Variants in WNK3 observed in about 807,000 individuals in gnomAD.
The protein encoded by WNK3 is serine/threonine-protein kinase WNK3.
A neutral mutation model predicts 116.7 loss-of-function variants in WNK3; 18 were observed. The observed-to-expected ratio is 0.15, with a 90% CI of 0.11 to 0.23. The LOEUF (loss-of-function observed/expected upper bound fraction) is 0.23. Ranked by LOEUF, WNK3 falls within the 10% of genes least tolerant of loss-of-function variation. WNK3 has a pLI of 1.00. For missense variants in WNK3, 993 were observed against 1,323.8 expected (o/e 0.75, Z 3.88); for synonymous variants, 404 against 469.4 (o/e 0.86, Z 1.80).
intron 22 of WNK3, among the ~76,000 whole-genome samples, chrX:54,204,385 T>C (rs2067531597): frequency 8.9e-6 from 1 of 111,744 alleles, no homozygotes; most frequent in Non-Finnish European, 1.9e-5. Context: ...CCCAAAGTGC[T>C]GAGATTACAG....
chrX:54,215,149 C>T (rs2067671855), intron 22 of WNK3, among the ~76,000 whole-genome samples: 1 of 107,054 alleles, frequency 9.3e-6, no homozygotes, highest in African/African-American at 3.4e-5. Context: ...ACACCATCTC[C>T]AGTGCACAGT....
intron 10 of WNK3, among the ~76,000 whole-genome samples, chrX:54,267,587 A>G (rs982103844): frequency 5.4e-5 from 6 of 110,216 alleles, no homozygotes; most frequent in Non-Finnish European, 1.1e-4. Context: ...GGAGTTCGAG[A>G]CCAGCCTGGC....
chrX:54,216,022 G>A (rs1020245716), intron 22 of WNK3, among the ~76,000 whole-genome samples: 8 of 110,381 alleles, frequency 7.2e-5, no homozygotes, highest in African/African-American at 2.6e-4. Flanking sequence ...GTCCACTAAG[G>A]GTTAAATGGA....
chrX:54,327,636 T>C (rs1051184926), intron 2 of WNK3, among the ~76,000 whole-genome samples: 3 of 111,549 alleles, frequency 2.7e-5, no homozygotes, highest in African/African-American at 9.8e-5. Flanking sequence ...GAGGATCACT[T>C]GAGCCCAGGA....
chrX:54,333,611 T>C, exon 2 of WNK3: 1 of 1,205,668 alleles, frequency 8.3e-7, no homozygotes, highest in Non-Finnish European at 1.1e-6. Context: ...TGTTTTCAAA[T>C]GAAATTCCAT....
At chrX:54,292,738 T>G in intron 10 of WNK3, 150 bp downstream of exon 10, 4 of 462,914 alleles carry the variant, frequency 8.6e-6, no homozygotes, top group Non-Finnish European at 1.0e-5. Flanking sequence ...AGGAATGTCT[T>G]GGGTGAAGGA....
At chrX:54,281,816 A>C in intron 10 of WNK3, among the ~76,000 whole-genome samples, 1 of 110,946 alleles carries the variant, frequency 9.0e-6, no homozygotes, top group African/African-American at 3.3e-5. Context: ...ACACATATAC[A>C]TGTATGTATA....
At chrX:54,235,876 C>G (rs2067955687) in intron 20 of WNK3, among the ~76,000 whole-genome samples, 1 of 111,676 alleles carries the variant, frequency 9.0e-6, no homozygotes, top group South Asian at 3.7e-4. Context: ...GATATAAGAA[C>G]AGTCTTGCAG....
intron 22 of WNK3, among the ~76,000 whole-genome samples, chrX:54,205,178 G>A (rs1428694186): frequency 9.1e-6 from 1 of 110,177 alleles, no homozygotes; most frequent in African/African-American, 3.3e-5. Flanking sequence ...TCACGCTACT[G>A]CACTCCAGCC....
chrX:54,325,679 CAAAAAAAAAAAAAAA>C (rs57064020), intron 2 of WNK3, among the ~76,000 whole-genome samples: 5 of 11,311 alleles, frequency 4.4e-4, no homozygotes, highest in South Asian at 0.017. Context: ...AACTCCCTCT[CAAAAAAAAAAAAAAA>C]AAAAAAAAAA....
intron 10 of WNK3, among the ~76,000 whole-genome samples, chrX:54,263,133 C>G (rs1318914162): frequency 9.1e-6 from 1 of 110,248 alleles, no homozygotes; most frequent in African/African-American, 3.3e-5. Flanking sequence ...ATTAGTGGTT[C>G]TCAGCCCCAG....
At chrX:54,350,279 G>A (rs1196820575) in intron 1 of WNK3, among the ~76,000 whole-genome samples, 5 of 110,138 alleles carry the variant, frequency 4.5e-5, no homozygotes, top group African/African-American at 9.9e-5. Flanking sequence ...GCGTGGTGGC[G>A]GGCACCTATA....
exon 24 of WNK3, chrX:54,194,200 G>A (rs1471899180): frequency 1.8e-5 from 2 of 112,107 alleles, no homozygotes; most frequent in Non-Finnish European, 3.8e-5. Flanking sequence ...AGAAAAGACA[G>A]CAAAGAAGAA....
At chrX:54,356,854 TACTC>T (rs2147367546) in intron 1 of WNK3, among the ~76,000 whole-genome samples, 1 of 110,402 alleles carries the variant, frequency 9.1e-6, no homozygotes, top group South Asian at 3.9e-4. Context: ...GATACGGAGA[TACTC>T]ACGTGCAGGA....
At chrX:54,346,279 CAAAA>C (rs150788845) in intron 1 of WNK3, among the ~76,000 whole-genome samples, 5 of 30,356 alleles carry the variant, frequency 1.6e-4, no homozygotes, top group Admixed American at 6.3e-4. Context: ...GCTGATCAGC[CAAAA>C]AAAAAAAAAA....
chrX:54,257,719 GGT>G (rs1475870056), intron 11 of WNK3, among the ~76,000 whole-genome samples: 2 of 102,710 alleles, frequency 1.9e-5, no homozygotes, highest in African/African-American at 7.2e-5. Context: ...GAACCCAGGA[GGT>G]GGAGGCTGCA....
chrX:54,267,495 A>T (rs1486858256), intron 10 of WNK3, among the ~76,000 whole-genome samples: 1 of 110,952 alleles, frequency 9.0e-6, no homozygotes, highest in Admixed American at 9.6e-5. Flanking sequence ...ATAAAAGATG[A>T]CCATAGCTAA....
chrX:54,348,366 G>A (rs953722936), intron 1 of WNK3, among the ~76,000 whole-genome samples: 2 of 110,769 alleles, frequency 1.8e-5, no homozygotes, highest in South Asian at 3.8e-4. Context: ...CAGTAGAGAC[G>A]AGGTTTCACC....
chrX:54,283,246 C>A (rs1214904647), intron 10 of WNK3, among the ~76,000 whole-genome samples: 2 of 110,577 alleles, frequency 1.8e-5, no homozygotes, highest in African/African-American at 6.6e-5. Flanking sequence ...GAGTTCAAAA[C>A]CAGCCAGGGC....
Sources: allele counts gnomAD v4.1 joint callset (sites outside exome capture counted in the v4.1 genomes callset), GRCh38; gene constraint gnomAD v4.1.1; transcripts MANE v1.5; gene names NCBI Gene and HGNC (gene_info 2026-07-23, HGNC 2026-07-21).